MAPK4: variants seen among roughly 807,000 people sequenced by gnomAD.
MAPK4 encodes mitogen-activated protein kinase 4, also known as Erk3-related.
In MAPK4, 22 loss-of-function variants were observed where a neutral mutation model predicts 47.7. That is an observed-to-expected ratio of 0.46 (90% confidence interval 0.33 to 0.66). The LOEUF (loss-of-function observed/expected upper bound fraction) is 0.66. Among genes scored for constraint, MAPK4 ranks in the 30% least tolerant of loss-of-function variants. MAPK4 has a pLI of 0.02. For synonymous variants in MAPK4, 390 were observed against 365.7 expected (o/e 1.07, Z -0.76); for missense variants, 736 against 831.7 (o/e 0.88, Z 1.42).
intron 4 of MAPK4, 22 bp downstream of exon 4, chr18:50,722,121 G>C (rs1434617699): frequency 6.2e-7 from 1 of 1,605,652 alleles, no homozygotes; most frequent in Non-Finnish European, 8.5e-7. Context: ...TGGCAGCCAG[G>C]CCAAGTGTCC....
At position 50,656,868 on chromosome 18, in the gene MAPK4, A is replaced by G. The variant is rs530186447; in HGVS notation, c.-870-6221A>G. On this transcript the variant is annotated intron_variant, in intron 1 of 5. Coordinates refer to ENST00000400384, the MANE Select transcript of MAPK4 (RefSeq NM_002747.4). ...CATTTAGACCAACCGTGTGCTGAGC[A>G]AGTTACTGTCAGATCATCTCAGCCT... is the stretch of plus-strand genomic sequence containing the variant. 1.6e-3 allele frequency among the ~76,000 whole-genome samples: 244 copies of G among 152,338 alleles called. 3 individuals carry two copies. The Middle Eastern group carries it at 0.017, about 11-fold the overall frequency.
chr18:50,583,721 A>G lies in MAPK4; in HGVS notation c.-871+23478A>G, dbSNP rs2042366118. On this transcript the variant is annotated intron_variant, in intron 1 of 5. Coordinates refer to ENST00000400384, the MANE Select transcript of MAPK4 (RefSeq NM_002747.4). ...TTTTCAGGCTTTAAACTGTCTTTGG[A>G]TTGTAGGTCGGGTTTCACTGGGGAC... Among the ~76,000 whole-genome samples the G allele has an allele frequency of 2.0e-5, 3 of 152,244 alleles. No homozygotes were observed. The East Asian group carries it at 5.8e-4, about 29-fold the overall frequency.
rs1370302548 is a variant in MAPK4 at position 50,722,048 on chromosome 18, T to C, written c.802T>C (p.Trp268Arg). Residue 268 changes from tryptophan to arginine, a missense_variant, in exon 4 of 6, where the codon TGG (tryptophan) becomes CGG (arginine). Trp to Arg is a moderately radical substitution (Grantham distance 101). This residue lies in a region of MAPK4 where 327 missense variants were observed against 395.4 expected (regional missense o/e 0.83). Coordinates refer to ENST00000400384, the MANE Select transcript of MAPK4 (RefSeq NM_002747.4). The stretch of plus-strand genomic sequence containing the variant: ...GATGCCTTCCTTTGTCAGCAGCACC[T>C]GGGAGGTGAAGAGGCCTCTGCGCAA... ...RVMPSFVSSTWEVKRPLRKLL... is the reference protein window; with the variant it reads ...RVMPSFVSSTREVKRPLRKLL... 1 of 1,613,560 alleles carries C rather than the reference T, an allele frequency of 6.2e-7. No homozygotes were observed. The highest frequency in any genetic ancestry group is 1.3e-5 in the African/African-American group (1 of 74,898).
intron 1 of MAPK4, among the ~76,000 whole-genome samples, chr18:50,625,927 C>T (rs974597935): frequency 3.7e-4 from 35 of 93,436 alleles, no homozygotes; most frequent in African/African-American, 1.1e-3. Flanking sequence ...CACACACACA[C>T]ATATATAATG....
intron 1 of MAPK4, among the ~76,000 whole-genome samples, chr18:50,572,318 G>T (rs1449191677): frequency 6.6e-6 from 1 of 152,138 alleles, no homozygotes; most frequent in East Asian, 1.9e-4. Context: ...GTTGTGGCCT[G>T]AATAACTGTC....
chr18:50,727,510 A>C (rs1325290779), intron 5 of MAPK4, among the ~76,000 whole-genome samples: 1 of 151,768 alleles, frequency 6.6e-6, no homozygotes. Flanking sequence ...ATTAATGAAG[A>C]CTCTGTCTTC....
chr18:50,603,957 A>G (rs139099657), intron 1 of MAPK4, among the ~76,000 whole-genome samples: 2 of 152,212 alleles, frequency 1.3e-5, no homozygotes, highest in African/African-American at 4.8e-5. Context: ...AAGGAGTTCT[A>G]ATAAGCTTGA....
chr18:50,633,617 T>C (rs1386276103), intron 1 of MAPK4, among the ~76,000 whole-genome samples: 1 of 152,194 alleles, frequency 6.6e-6, no homozygotes, highest in Non-Finnish European at 1.5e-5. Flanking sequence ...GCTGCCAGAT[T>C]AATCTCCCCA....
At chr18:50,623,117 G>T (rs559444144) in intron 1 of MAPK4, among the ~76,000 whole-genome samples, 1 of 152,298 alleles carries the variant, frequency 6.6e-6, no homozygotes, top group East Asian at 1.9e-4. Flanking sequence ...GGTATCATTT[G>T]TCAGGCTGTA....
intron 1 of MAPK4, among the ~76,000 whole-genome samples, chr18:50,616,737 G>T (rs1239042637): frequency 6.6e-6 from 1 of 152,216 alleles, no homozygotes; most frequent in African/African-American, 2.4e-5. Context: ...AGGGCAGGAA[G>T]CATCCAACAT....
intron 1 of MAPK4, among the ~76,000 whole-genome samples, chr18:50,568,088 C>T (rs369252019): frequency 1.3e-4 from 19 of 150,612 alleles, no homozygotes; most frequent in Admixed American, 8.6e-4. Flanking sequence ...CCCAGCTACT[C>T]GGGAGGCTGA....
At position 50,663,697 on chromosome 18, in the gene MAPK4, G is replaced by T. The variant is rs996503228; in HGVS notation, c.-262G>T. 1.1e-5 allele frequency: 4 copies of T among 376,746 alleles called. No individual in the cohort carries two copies. Among genetic ancestry groups the T allele is most frequent in the Middle Eastern group, 7.1e-4 (1 of 1,410 alleles). 23.3% of individuals were successfully genotyped at this position (376,746 alleles called of 1,614,324 possible). On this transcript the variant is annotated 5_prime_UTR_variant, in exon 2 of 6. Coordinates refer to ENST00000400384, the MANE Select transcript of MAPK4 (RefSeq NM_002747.4). ...ATTCTAAGCTTTAAGAAGGGTTCAGGAAACACAGGAATTAGTAGACAGCCC... is the reference window on the plus strand; with the variant it reads ...ATTCTAAGCTTTAAGAAGGGTTCAGTAAACACAGGAATTAGTAGACAGCCC...
chr18:50,611,680 C>G (rs146264574), intron 1 of MAPK4, among the ~76,000 whole-genome samples: 273 of 152,236 alleles, frequency 1.8e-3, no homozygotes, highest in Middle Eastern at 3.4e-3. Flanking sequence ...AATGACGTAG[C>G]GTTTGATCTT....
At chr18:50,721,506 C>T (rs932363236) in intron 3 of MAPK4, among the ~76,000 whole-genome samples, 9 of 152,106 alleles carry the variant, frequency 5.9e-5, no homozygotes, top group Non-Finnish European at 1.2e-4. Context: ...TAGATGGAAC[C>T]CTCTTAATTA....
Position 50,671,707 on chromosome 18 carries a change from C to T in MAPK4, c.546+7203C>T, listed in dbSNP as rs147647141. Among the ~76,000 whole-genome samples, 14 of 151,932 alleles carry T rather than the reference C, an allele frequency of 9.2e-5. No homozygotes were observed. In the East Asian group the frequency reaches 2.5e-3, roughly 27 times the overall value. On this transcript the variant is annotated intron_variant, in intron 2 of 5. Coordinates refer to ENST00000400384, the MANE Select transcript of MAPK4 (RefSeq NM_002747.4). ...AGTTTGAGACCAGCCTGGGCAACAG[C>T]GAGACCCCCATGTCTACAAAAAATA...
chr18:50,633,930 A>G (rs1398039185), intron 1 of MAPK4, among the ~76,000 whole-genome samples: 1 of 152,200 alleles, frequency 6.6e-6, no homozygotes, highest in Admixed American at 6.5e-5. Context: ...TTTGCTTGTA[A>G]CTAGGTGGGG....
intron 4 of MAPK4, among the ~76,000 whole-genome samples, chr18:50,724,045 C>A (rs1013411297): frequency 1.5e-4 from 23 of 152,138 alleles, no homozygotes; most frequent in African/African-American, 5.1e-4. Flanking sequence ...CAGGGTCTCA[C>A]TTGTCACCCA....
intron 1 of MAPK4, among the ~76,000 whole-genome samples, chr18:50,646,245 T>C (rs1406083696): frequency 6.6e-6 from 1 of 152,184 alleles, no homozygotes; most frequent in Non-Finnish European, 1.5e-5. Context: ...AGATTCCCCT[T>C]CCCCTCTCCA....
At chr18:50,583,404 A>T (rs1057373509) in intron 1 of MAPK4, among the ~76,000 whole-genome samples, 1 of 152,186 alleles carries the variant, frequency 6.6e-6, no homozygotes, top group Admixed American at 6.5e-5. Context: ...CCTGGGCAAC[A>T]TAATGAAACC....
Sources: allele counts gnomAD v4.1 joint callset (sites outside exome capture counted in the v4.1 genomes callset), GRCh38; gene constraint gnomAD v4.1.1; regional missense constraint gnomAD v4.1.1; transcripts MANE v1.5; gene names NCBI Gene and HGNC (gene_info 2026-07-23, HGNC 2026-07-21).